The following VASH2 variants were observed in gnomAD, a reference collection of about 807,000 sequenced individuals.
The protein encoded by VASH2 is tubulinyl-Tyr carboxypeptidase 2.
Under a neutral mutation model 37.2 loss-of-function variants are expected in VASH2, and 28 were observed. The ratio of observed to expected loss-of-function variants is 0.75; its 90% CI spans 0.56 to 1.03. The LOEUF is 1.03. Ranked by LOEUF, VASH2 falls within the 50% of genes least tolerant of loss-of-function variation. The pLI is 0.00. For synonymous variants in VASH2, 188 were observed against 174.7 expected (o/e 1.08, Z -0.60); for missense variants, 419 against 459.1 (o/e 0.91, Z 0.80).
rs1666323960 is a variant in VASH2 at position 212,951,904 on chromosome 1, G to C, written c.276+86G>C. 7.0e-7 allele frequency: 1 copy of C among 1,429,084 alleles called. No individual in the cohort carries two copies. Among genetic ancestry groups the C allele is most frequent in the African/African-American group, 1.4e-5 (1 of 72,176 alleles). 88.5% of individuals were successfully genotyped at this position (1,429,084 alleles called of 1,614,324 possible). On this transcript the variant is annotated intron_variant, in intron 2 of 7. Transcript: ENST00000517399. The surrounding 1 kb of genome is among the most constrained non-coding windows in gnomAD (Gnocchi z 4.4). ...TTCAGCCTATACATAGCAAACACAGGCAATCTCCATTTTCCTAGTCCTGCT... is the reference window on the plus strand; with the variant it reads ...TTCAGCCTATACATAGCAAACACAGCCAATCTCCATTTTCCTAGTCCTGCT...
intron 6 of VASH2, 85 bp from the exon 7 acceptor site, chr1:212,973,870 G>A: frequency 6.6e-7 from 1 of 1,518,946 alleles, no homozygotes; most frequent in Non-Finnish European, 8.9e-7. Flanking sequence ...GATTGGGCTG[G>A]GGGGTGGAAT....
chr1:212,983,105 TTTGA>T (rs758598170), intron 7 of VASH2, among the ~76,000 whole-genome samples: 14 of 152,232 alleles, frequency 9.2e-5, no homozygotes, highest in South Asian at 2.1e-4. Context: ...TTAGTGAGAA[TTTGA>T]TTGATAAGTA....
At position 212,972,952 on chromosome 1, in the gene VASH2, G is replaced by A. The variant is rs1223543072; in HGVS notation, c.870G>A (p.Met290Ile). Residue 290 changes from methionine (M) to isoleucine (I), a missense_variant, in exon 6 of 8, where the codon ATG becomes ATA. Around this residue, in one of 3 missense-constraint regions of VASH2, gnomAD observed 177 missense variants for 166.2 expected, o/e 1.06. Transcript: ENST00000517399. ...AGCTGGAGAAATATGCCAGGGACAT[G>A]AGAATGAAGGTGGGTGCTGGGAAGA... Reference protein sequence around the residue: ...RKELEKYARDMRMKILKPASA... With the variant: ...RKELEKYARDIRMKILKPASA... The A allele has an allele frequency of 4.3e-6, 7 of 1,611,028 alleles. No individual in the cohort carries two copies. The highest frequency in any genetic ancestry group is 1.7e-4 in the Middle Eastern group (1 of 5,776).
At chr1:212,988,000 C>A (rs1218784460) in intron 7 of VASH2, among the ~76,000 whole-genome samples, 1 of 152,162 alleles carries the variant, frequency 6.6e-6, no homozygotes, top group Non-Finnish European at 1.5e-5. Context: ...CACTGACATG[C>A]TTTTTCAGAT....
Position 212,965,712 on chromosome 1 carries a change from C to A in VASH2, c.366-10C>A. On this transcript the variant is annotated splice_polypyrimidine_tract_variant and intron_variant, in intron 3 of 7. Transcript: ENST00000517399. ...TTTTCTGTCACTTTCCCTTTACATA[C>A]TTTACACAGATATAATCACACAGGG... is the stretch of plus-strand genomic sequence containing the variant. The A allele has an allele frequency of 6.4e-7, 1 of 1,550,768 alleles. No individual in the cohort carries two copies. Among genetic ancestry groups the A allele is most frequent in the Non-Finnish European group, 8.7e-7 (1 of 1,145,718 alleles).
At chr1:212,985,024 T>TTTTTTTTCAC (rs1325235390) in intron 7 of VASH2, among the ~76,000 whole-genome samples, 1 of 149,538 alleles carries the variant, frequency 6.7e-6, no homozygotes, top group Non-Finnish European at 1.5e-5. Flanking sequence ...CATAATTCAC[T>TTTTTTTTCAC]TTTTTTTTCT....
At chr1:212,958,812 C>T (rs1666576004) in intron 2 of VASH2, among the ~76,000 whole-genome samples, 3 of 152,158 alleles carry the variant, frequency 2.0e-5, no homozygotes, top group Admixed American at 6.5e-5. Context: ...CCCCTGGGCT[C>T]AAGCCATCTT....
At chr1:212,985,971 G>C (rs983235295) in intron 7 of VASH2, among the ~76,000 whole-genome samples, 3 of 152,176 alleles carry the variant, frequency 2.0e-5, no homozygotes, top group Non-Finnish European at 2.9e-5. Flanking sequence ...ATCAGGGATG[G>C]GAGACGGGTG....
intron 7 of VASH2, 142 bp downstream of exon 7, chr1:212,974,212 G>C: frequency 8.9e-7 from 1 of 1,126,096 alleles, no homozygotes; most frequent in South Asian, 1.8e-5. Context: ...CCTCATTCAG[G>C]GGACATCTGT....
At chr1:212,956,915 CTG>C (rs1373006953) in intron 2 of VASH2, among the ~76,000 whole-genome samples, 5 of 152,180 alleles carry the variant, frequency 3.3e-5, no homozygotes, top group African/African-American at 1.2e-4. Flanking sequence ...GTGTACAACT[CTG>C]TGGCATTGAG....
Position 212,966,334 on chromosome 1 carries a change from C to G in VASH2, c.486C>G (p.Val162=), listed in dbSNP as rs1363552888. ...ESLPIKCLEA[V]ILGIYLTNGQ... is the part of the protein sequence containing the mutation. Reference sequence around the variant, plus strand: ...TGCCTATCAAATGCCTTGAAGCTGTCATCCTGGGCATGTATCCTTTAAGTT... The same window carrying G: ...TGCCTATCAAATGCCTTGAAGCTGTGATCCTGGGCATGTATCCTTTAAGTT... Residue 162 remains valine (V), a synonymous_variant, in exon 5 of 8, where the codon GTC becomes GTG. Transcript: ENST00000517399. The G allele has an allele frequency of 3.9e-6, 6 of 1,551,650 alleles. No individual in the cohort carries two copies. Among genetic ancestry groups the G allele is most frequent in the Middle Eastern group, 1.7e-4 (1 of 5,990 alleles).
chr1:212,951,665 G>A lies in VASH2; in HGVS notation c.123G>A (p.Glu41=). 1 of 1,594,150 alleles carries A rather than the reference G, an allele frequency of 6.3e-7. No homozygotes were observed. Among genetic ancestry groups the A allele is most frequent in the Non-Finnish European group, 8.5e-7 (1 of 1,171,394 alleles). Residue 41 remains glutamate, a synonymous_variant, in exon 2 of 8, where the codon GAG becomes GAA. Coordinates refer to ENST00000517399, the MANE Select transcript of VASH2 (RefSeq NM_001301056.2). The surrounding 1 kb of genome is among the most constrained non-coding windows in gnomAD (Gnocchi z 4.4). Reference sequence around the variant, plus strand: ...CCACCAGCGGGGGCTCAGAGGAGGAGGACAAAGACGGCGGGGTGCTGTTCC... The same window carrying A: ...CCACCAGCGGGGGCTCAGAGGAGGAAGACAAAGACGGCGGGGTGCTGTTCC... ...SLATSGGSEE[E]DKDGGVLFHV... is the part of the protein sequence containing the mutation.
rs574993481 is a variant in VASH2 at position 212,971,929 on chromosome 1, C to G, written c.498-651C>G. Among the ~76,000 whole-genome samples, 2 of 152,278 alleles carry G rather than the reference C, an allele frequency of 1.3e-5. No homozygotes were observed. Among genetic ancestry groups the G allele is most frequent in the African/African-American group, 4.8e-5 (2 of 41,554 alleles). On this transcript the variant is annotated intron_variant, in intron 5 of 7. Transcript: ENST00000517399. This position sits in a 1 kb window ranked among gnomAD's most constrained non-coding sequence, Gnocchi z 4.0. Reference sequence around the variant, plus strand: ...GGAATGCCAGGATGTGAGACACAACCCCCGCCCTCACAAGATACAAACAAT... The same window carrying G: ...GGAATGCCAGGATGTGAGACACAACGCCCGCCCTCACAAGATACAAACAAT...
chr1:212,978,352 C>T (rs59868057), intron 7 of VASH2, among the ~76,000 whole-genome samples: 19,676 of 152,184 alleles, frequency 0.13, 3,109 homozygotes, highest in African/African-American at 0.35. Flanking sequence ...CCTGCCAGCA[C>T]ATCAGAGTGG....
intron 2 of VASH2, among the ~76,000 whole-genome samples, chr1:212,956,367 A>G (rs556776152): frequency 6.6e-6 from 1 of 152,266 alleles, no homozygotes; most frequent in South Asian, 2.1e-4. Context: ...CCACCCCTAG[A>G]AAACAGGCAC....
At position 212,989,236 on chromosome 1, in the gene VASH2, A is replaced by G. The variant is rs2075831623; in HGVS notation, c.*652A>G. 1.3e-5 allele frequency: 2 copies of G among 152,488 alleles called. No homozygotes were observed. Among genetic ancestry groups the G allele is most frequent in the African/African-American group, 4.8e-5 (2 of 41,432 alleles). 9.4% of individuals were successfully genotyped at this position (152,488 alleles called of 1,614,324 possible). A position where few individuals can be genotyped will look rare whatever the true frequency, so the allele number is the denominator to read the frequency against. On this transcript the variant is annotated 3_prime_UTR_variant, in exon 8 of 8. Transcript: ENST00000517399. Reference sequence around the variant, plus strand: ...AAATTCTTCTGGCAATACAAGAACCATTTTCAGGATCTTGGAGTTACTTCC... The same window carrying G: ...AAATTCTTCTGGCAATACAAGAACCGTTTTCAGGATCTTGGAGTTACTTCC...
At chr1:212,955,902 C>T (rs1345295271) in intron 2 of VASH2, among the ~76,000 whole-genome samples, 1 of 152,222 alleles carries the variant, frequency 6.6e-6, no homozygotes, top group Non-Finnish European at 1.5e-5. Flanking sequence ...GTCCCAGGCC[C>T]TTCACAGGTT....
At chr1:212,973,647 C>T in intron 6 of VASH2, 1 of 1,234,264 alleles carries the variant, frequency 8.1e-7, no homozygotes, top group East Asian at 4.9e-5. Flanking sequence ...AGGAACTTGC[C>T]AAGCAAACAA....
intron 3 of VASH2, among the ~76,000 whole-genome samples, chr1:212,964,318 C>T (rs897411894): frequency 2.0e-5 from 3 of 152,226 alleles, no homozygotes; most frequent in Non-Finnish European, 2.9e-5. Flanking sequence ...ATCGAAGTGC[C>T]GCTAGGCGCC....
Sources: allele counts gnomAD v4.1 joint callset (sites outside exome capture counted in the v4.1 genomes callset), GRCh38; gene constraint gnomAD v4.1.1; regional missense constraint gnomAD v4.1.1; non-coding constraint Gnocchi (gnomAD v3.1); transcripts MANE v1.5; gene names NCBI Gene and HGNC (gene_info 2026-07-23, HGNC 2026-07-21).